SLC35F1: variants seen among roughly 807,000 people sequenced by gnomAD.
SLC35F1 encodes solute carrier family 35 member F1, also known as chromosome 6 open reading frame 169.
In SLC35F1, 14 loss-of-function variants were observed where a neutral mutation model predicts 48.7. That is an observed-to-expected ratio of 0.29 (90% CI 0.19 to 0.45). SLC35F1 has a LOEUF of 0.45. Among genes scored for constraint, SLC35F1 ranks in the 20% least tolerant of loss-of-function variants. The probability of loss-of-function intolerance (pLI) is 1.00; values close to 1 mark genes in which losing one functional copy is unlikely to be tolerated. For synonymous variants in SLC35F1, 190 were observed against 202.2 expected (o/e 0.94, Z 0.51); for missense variants, 404 against 500.0 (o/e 0.81, Z 1.83).
At chr6:117,950,711 G>A (rs912994400) in intron 1 of SLC35F1, among the ~76,000 whole-genome samples, 9 of 152,136 alleles carry the variant, frequency 5.9e-5, no homozygotes, top group Admixed American at 5.9e-4. Context: ...GATAGATATA[G>A]AGAAACCATC....
chr6:118,013,621 G>A (rs917480312), intron 1 of SLC35F1, among the ~76,000 whole-genome samples: 3 of 152,200 alleles, frequency 2.0e-5, no homozygotes, highest in African/African-American at 4.8e-5. Context: ...AAGTAGGAAA[G>A]TATTCTTAGC....
At chr6:117,999,175 A>G in intron 1 of SLC35F1, 1 of 1,595,460 alleles carries the variant, frequency 6.3e-7, no homozygotes, top group Non-Finnish European at 8.5e-7. Flanking sequence ...CCATGAGTGC[A>G]CGTGCCGAGG....
At chr6:118,081,477 T>A (rs9401056) in intron 1 of SLC35F1, among the ~76,000 whole-genome samples, 146,924 of 151,482 alleles carry the variant, frequency 0.97, 71,432 homozygotes, top group Middle Eastern at 1. Context: ...CAAAAAATTT[T>A]AAAAAAAAAT....
chr6:118,008,509 A>T (rs1777204489), intron 1 of SLC35F1, among the ~76,000 whole-genome samples: 1 of 152,206 alleles, frequency 6.6e-6, no homozygotes, highest in Non-Finnish European at 1.5e-5. Context: ...GGAAGTTCGT[A>T]ATAAAAGTTA....
At position 118,130,304 on chromosome 6, in the gene SLC35F1, G is replaced by A. The variant is rs538136295; in HGVS notation, c.174-24141G>A. Among the ~76,000 whole-genome samples the A allele has an allele frequency of 5.9e-5, 9 of 152,230 alleles. No individual in the cohort carries two copies. In the South Asian group the frequency reaches 8.3e-4, roughly 14 times the overall value. The stretch of plus-strand genomic sequence containing the variant: ...CTATTAATGTTAGTAGTCTAGATAC[G>A]CTTCTTAAGAGGCGTGTGCTTCAGT... On this transcript the variant is annotated intron_variant, in intron 1 of 7. Coordinates refer to ENST00000360388, the MANE Select transcript of SLC35F1 (RefSeq NM_001029858.4).
intron 1 of SLC35F1, among the ~76,000 whole-genome samples, chr6:118,130,257 G>C (rs1181275892): frequency 6.6e-6 from 1 of 152,094 alleles, no homozygotes; most frequent in Non-Finnish European, 1.5e-5. Flanking sequence ...CTGTCACATG[G>C]CATGATTTCA....
chr6:118,290,728 G>C (rs1240668583), intron 7 of SLC35F1, among the ~76,000 whole-genome samples: 1 of 151,860 alleles, frequency 6.6e-6, no homozygotes, highest in Non-Finnish European at 1.5e-5. Flanking sequence ...CCAGAACAGG[G>C]AGAAGTGTAG....
At chr6:117,964,224 T>A (rs181405870) in intron 1 of SLC35F1, among the ~76,000 whole-genome samples, 38 of 152,210 alleles carry the variant, frequency 2.5e-4, no homozygotes, top group Admixed American at 2.0e-4. Flanking sequence ...CAGTCTATCA[T>A]TGATGTTGCC....
chr6:118,193,594 C>T (rs914291858), intron 2 of SLC35F1, among the ~76,000 whole-genome samples: 1 of 152,138 alleles, frequency 6.6e-6, no homozygotes. Flanking sequence ...TCTTTACATA[C>T]CTTGCATGTA....
chr6:117,907,603 A>G lies in SLC35F1; in HGVS notation c.-124A>G. The G allele has an allele frequency of 2.1e-6, 1 of 483,738 alleles. No individual in the cohort carries two copies. Among genetic ancestry groups the G allele is most frequent in the Non-Finnish European group, 3.4e-6 (1 of 293,982 alleles). 30.0% of individuals were successfully genotyped at this position (483,738 alleles called of 1,614,324 possible). A position where few individuals can be genotyped will look rare whatever the true frequency, so the allele number is the denominator to read the frequency against. ...GTGCCTCCCCGCCTCACCGCTTCGCAGGCAGCACCGCCTCCCGGGCCGCGG... is the reference window on the plus strand; with the variant it reads ...GTGCCTCCCCGCCTCACCGCTTCGCGGGCAGCACCGCCTCCCGGGCCGCGG... On this transcript the variant is annotated 5_prime_UTR_variant, in exon 1 of 8. Coordinates refer to ENST00000360388, the MANE Select transcript of SLC35F1 (RefSeq NM_001029858.4).
At chr6:118,223,528 GGGT>G (rs1235924899) in intron 2 of SLC35F1, among the ~76,000 whole-genome samples, 9 of 152,190 alleles carry the variant, frequency 5.9e-5, no homozygotes, top group African/African-American at 2.4e-5. Context: ...CTTGAGTATA[GGGT>G]GGTAATTACA....
chr6:118,077,449 A>G (rs1477285620), intron 1 of SLC35F1, among the ~76,000 whole-genome samples: 2 of 152,250 alleles, frequency 1.3e-5, no homozygotes, highest in Non-Finnish European at 2.9e-5. Context: ...TTGAGAACCT[A>G]AGTTGAAAGT....
At chr6:118,303,669 A>T (rs1175877710) in intron 7 of SLC35F1, among the ~76,000 whole-genome samples, 16 of 152,254 alleles carry the variant, frequency 1.1e-4, no homozygotes, top group African/African-American at 3.9e-4. Context: ...CGGAAGCAGT[A>T]GACTACAGCT....
intron 1 of SLC35F1, among the ~76,000 whole-genome samples, chr6:118,146,849 G>C (rs1340014535): frequency 6.6e-6 from 1 of 152,098 alleles, no homozygotes; most frequent in African/African-American, 2.4e-5. Flanking sequence ...GGCTACCAAA[G>C]AGTTTAATCA....
At chr6:118,113,495 G>A (rs946160289) in intron 1 of SLC35F1, among the ~76,000 whole-genome samples, 5 of 152,084 alleles carry the variant, frequency 3.3e-5, no homozygotes, top group Non-Finnish European at 7.4e-5. Flanking sequence ...GGGGGCTGGG[G>A]TTAATTGAGA....
chr6:118,276,404 ACTTT>A (rs1775918668), intron 5 of SLC35F1, among the ~76,000 whole-genome samples: 1 of 152,224 alleles, frequency 6.6e-6, no homozygotes, highest in Non-Finnish European at 1.5e-5. Flanking sequence ...CAAAGCAAGC[ACTTT>A]CTAATTGCAT....
intron 1 of SLC35F1, among the ~76,000 whole-genome samples, chr6:118,065,782 T>C (rs1415245856): frequency 6.6e-6 from 1 of 152,198 alleles, no homozygotes; most frequent in Non-Finnish European, 1.5e-5. Context: ...TGTCTTAGAT[T>C]AGTAAAATTA....
intron 1 of SLC35F1, among the ~76,000 whole-genome samples, chr6:118,001,466 C>G (rs1165723279): frequency 6.6e-6 from 1 of 152,180 alleles, no homozygotes; most frequent in Non-Finnish European, 1.5e-5. Context: ...GGATTAAAGA[C>G]TTAAACGTCA....
chr6:117,954,505 T>C (rs1776402165), intron 1 of SLC35F1, among the ~76,000 whole-genome samples: 1 of 152,188 alleles, frequency 6.6e-6, no homozygotes, highest in South Asian at 2.1e-4. Flanking sequence ...GTGAGCCACC[T>C]GTCTCCATCT....
Sources: gnomAD v4.1 joint callset for allele counts (sites outside exome capture counted in the v4.1 genomes callset) on GRCh38, gnomAD v4.1.1 for gene constraint, MANE v1.5 for transcripts, NCBI Gene and HGNC (gene_info 2026-07-23, HGNC 2026-07-21) for gene names.